Variants in CDHR2 observed in about 807,000 individuals in gnomAD.
CDHR2 encodes the protein cadherin related family member 2, also known as cadherin-related family member 2.
A neutral mutation model predicts 138.6 loss-of-function variants in CDHR2; 104 were observed. The observed-to-expected ratio is 0.75, with a 90% CI of 0.64 to 0.88. CDHR2 has a LOEUF of 0.88. Ranked by LOEUF, CDHR2 falls within the 40% of genes least tolerant of loss-of-function variation. The pLI is 0.00. For missense variants in CDHR2, 1,624 were observed against 1,727.6 expected (o/e 0.94, Z 1.06); for synonymous variants, 755 against 742.8 (o/e 1.02, Z -0.27).
At chr5:176,565,804 GTGCC>G in intron 3 of CDHR2, 61 bp downstream of exon 3, 1 of 1,384,518 alleles carries the variant, frequency 7.2e-7, no homozygotes, top group Non-Finnish European at 1.0e-6. Flanking sequence ...AAGTCCTGGG[GTGCC>G]CTCTGGAGCC....
At position 176,568,875 on chromosome 5, in the gene CDHR2, GGGAGCCCGCGTC is replaced by G. The variant is rs1461336110; in HGVS notation, c.264+59_264+70del. The G allele has an allele frequency of 1.9e-6, 3 of 1,611,168 alleles. No homozygotes were observed. The Admixed American group carries it at 5.0e-5, about 27-fold the overall frequency. ...GCGGAGGGGGTGCTGGGAGGGCCCT[GGGAGCCCGCGTC>G]CTGGTGGCGGCACCCCCTGTGCTCC... On this transcript the variant is annotated intron_variant, in intron 4 of 31. Coordinates refer to ENST00000261944, the MANE Select transcript of CDHR2 (RefSeq NM_017675.6).
intron 20 of CDHR2, 24 bp from the exon 21 acceptor site, chr5:176,586,769 C>A: frequency 2.5e-6 from 4 of 1,595,640 alleles, no homozygotes; most frequent in Non-Finnish European, 3.4e-6. Context: ...ACCCCGCTGA[C>A]CCCGTTCCCG....
chr5:176,563,114 G>A (rs780540245), intron 1 of CDHR2, among the ~76,000 whole-genome samples: 2 of 152,104 alleles, frequency 1.3e-5, no homozygotes, highest in African/African-American at 4.8e-5. Flanking sequence ...TTGGGAGGCC[G>A]AGGCAGGCAG....
At chr5:176,581,835 A>C (rs1227759710) in intron 17 of CDHR2, among the ~76,000 whole-genome samples, 1 of 152,170 alleles carries the variant, frequency 6.6e-6, no homozygotes, top group Non-Finnish European at 1.5e-5. Context: ...TGACCTATAG[A>C]CAGTATCAGT....
intron 31 of CDHR2, among the ~76,000 whole-genome samples, chr5:176,593,924 G>A (rs1215404502): frequency 1.3e-5 from 2 of 152,190 alleles, no homozygotes; most frequent in African/African-American, 4.8e-5. Flanking sequence ...AGGCAGCGCT[G>A]GAGGCCTCTG....
intron 31 of CDHR2, 115 bp downstream of exon 31, chr5:176,592,895 C>T (rs1355746120): frequency 2.3e-6 from 2 of 884,586 alleles, no homozygotes; most frequent in East Asian, 2.5e-5. Context: ...CTTCTCTGCA[C>T]CAGGCCCCAG....
Position 176,589,686 on chromosome 5 carries a change from C to G in CDHR2, c.3206+70C>G, listed in dbSNP as rs983958358. On this transcript the variant is annotated intron_variant, in intron 24 of 31. Transcript: ENST00000261944. ...GTAGGAGCCTGGTCCCCGACAAAAC[C>G]TGGATGGGATGTCTCTCAATCCTGT... is the stretch of plus-strand genomic sequence containing the variant. 41 of 1,332,590 alleles carry G rather than the reference C, an allele frequency of 3.1e-5. No homozygotes were observed. In the African/African-American group the frequency reaches 5.3e-4, roughly 17 times the overall value. The allele number at this position is 1,332,590 out of a possible 1,614,324, so 82.5% of individuals were successfully genotyped here.
chr5:176,589,708 C>T, intron 24 of CDHR2, 92 bp downstream of exon 24: 1 of 1,081,362 alleles, frequency 9.2e-7, no homozygotes, highest in Non-Finnish European at 1.4e-6. Context: ...TCTCTCAATC[C>T]TGTTCCTGAC....
In CDHR2 at chr5:176,584,565, C is replaced by G. The variant is rs1312664603; in HGVS notation, c.2284C>G (p.Pro762Ala). ...GGCTGAGGGCTACCTCCGGCTGCCCCCGGACGTGAGCCTGGATTACGAGAC... is the reference window on the plus strand; with the variant it reads ...GGCTGAGGGCTACCTCCGGCTGCCCGCGGACGTGAGCCTGGATTACGAGAC... Reference protein sequence around the residue: ...GWAEGYLRLPPDVSLDYETQP... With the variant: ...GWAEGYLRLPADVSLDYETQP... Residue 762 changes from proline (P) to alanine (A), a missense_variant, in exon 19 of 32, where the codon CCG (proline) becomes GCG (alanine). By Grantham distance (27) the Pro-to-Ala change is conservative. This residue lies in a region of CDHR2 where 1,061 missense variants were observed against 1,136.6 expected (regional missense o/e 0.93). Transcript: ENST00000261944. The G allele has an allele frequency of 2.5e-6, 4 of 1,611,024 alleles. No individual in the cohort carries two copies. The highest frequency in any genetic ancestry group is 1.7e-5 in the Admixed American group (1 of 59,840).
intron 24 of CDHR2, 40 bp from the exon 25 acceptor site, chr5:176,590,038 C>T (rs781033503): frequency 1.3e-6 from 2 of 1,553,766 alleles, no homozygotes; most frequent in Admixed American, 1.7e-5. Context: ...CAGGCCCAGG[C>T]TAAGACCCCA....
chr5:176,554,072 C>T (rs1424053873), intron 1 of CDHR2, among the ~76,000 whole-genome samples: 1 of 152,192 alleles, frequency 6.6e-6, no homozygotes, highest in Non-Finnish European at 1.5e-5. Flanking sequence ...ATCAGTCTGG[C>T]TGAGTGCAGC....
At chr5:176,593,923 T>C (rs1758950494) in intron 31 of CDHR2, among the ~76,000 whole-genome samples, 3 of 152,146 alleles carry the variant, frequency 2.0e-5, no homozygotes, top group Admixed American at 6.6e-5. Context: ...CAGGCAGCGC[T>C]GGAGGCCTCT....
chr5:176,565,964 C>A (rs957282502), intron 3 of CDHR2, among the ~76,000 whole-genome samples: 1 of 152,128 alleles, frequency 6.6e-6, no homozygotes, highest in African/African-American at 2.4e-5. Context: ...CTCCAGGGGC[C>A]CTCACACCAG....
In CDHR2 at chr5:176,584,883, GT is replaced by G; in HGVS notation, c.2603del (p.Val868GlyfsTer32). 6.2e-7 allele frequency: 1 copy of G among 1,614,096 alleles called. No homozygotes were observed. The highest frequency in any genetic ancestry group is 8.5e-7 in the Non-Finnish European group (1 of 1,179,978). Reference protein sequence around the residue: ...VGSLCWGWFSVAANGSVYINQ... With the variant: ...VGSLCWGWFSXAANGSVYINQ... Reference sequence around the variant, plus strand: ...CAGCCTATGCTGGGGCTGGTTCTCAGTGGCGGCCAACGGCTCTGTGTACATC... The same window carrying G: ...CAGCCTATGCTGGGGCTGGTTCTCAGGGCGGCCAACGGCTCTGTGTACATC... On this transcript the variant is annotated frameshift_variant, in exon 19 of 32. Coordinates refer to ENST00000261944, the MANE Select transcript of CDHR2 (RefSeq NM_017675.6). LOFTEE classifies it high-confidence loss of function.
Position 176,569,005 on chromosome 5 carries a change from A to C in CDHR2, c.310A>C (p.Ile104Leu). The C allele has an allele frequency of 6.2e-7, 1 of 1,613,922 alleles. No homozygotes were observed. Among genetic ancestry groups the C allele is most frequent in the Non-Finnish European group, 8.5e-7 (1 of 1,179,872 alleles). ...KVTISVSDPYIQVQREMLVIV... is the reference protein window; with the variant it reads ...KVTISVSDPYLQVQREMLVIV... ...CACCATCTCCGTGAGCGACCCCTAC[A>C]TCCAGGTGAGTTGGGAGGTGCAGGG... The change falls in exon 5 of 32, where the codon ATC (isoleucine) becomes CTC (leucine). Residue 104 changes from isoleucine to leucine, a missense_variant. Transcript: ENST00000261944.
intron 1 of CDHR2, among the ~76,000 whole-genome samples, chr5:176,557,367 G>A (rs1757857480): frequency 6.6e-6 from 1 of 151,872 alleles, no homozygotes; most frequent in Non-Finnish European, 1.5e-5. Context: ...CACTACGCTG[G>A]CCTAATTTCT....
In CDHR2 at chr5:176,584,576, C is replaced by T. The variant is rs1312795160; in HGVS notation, c.2295C>T (p.Ser765=). The change falls in exon 19 of 32, where the codon AGC becomes AGT. Residue 765 remains serine (S), a synonymous_variant. Coordinates refer to ENST00000261944, the MANE Select transcript of CDHR2 (RefSeq NM_017675.6). The part of the protein sequence containing the change: ...EGYLRLPPDV[S]LDYETQPVFN... ...ACCTCCGGCTGCCCCCGGACGTGAG[C>T]CTGGATTACGAGACACAGCCCGTCT... is the stretch of plus-strand genomic sequence containing the variant. 1 of 1,609,352 alleles carries T rather than the reference C, an allele frequency of 6.2e-7. No individual in the cohort carries two copies. Among genetic ancestry groups the T allele is most frequent in the African/African-American group, 1.3e-5 (1 of 74,866 alleles).
intron 1 of CDHR2, among the ~76,000 whole-genome samples, chr5:176,555,904 A>G (rs1757810684): frequency 6.3e-5 from 1 of 15,988 alleles, no homozygotes; most frequent in Non-Finnish European, 4.5e-4. Flanking sequence ...CCATCTCAAA[A>G]CAAACAAAAA....
intron 1 of CDHR2, among the ~76,000 whole-genome samples, chr5:176,555,663 T>C (rs944717073): frequency 6.6e-6 from 1 of 151,992 alleles, no homozygotes; most frequent in Non-Finnish European, 1.5e-5. Flanking sequence ...TCCCAGCACT[T>C]TGGGAGGCCG....
Sources: allele counts gnomAD v4.1 joint callset (sites outside exome capture counted in the v4.1 genomes callset), GRCh38; gene constraint gnomAD v4.1.1; regional missense constraint gnomAD v4.1.1; transcripts MANE v1.5; gene names NCBI Gene and HGNC (gene_info 2026-07-23, HGNC 2026-07-21).